The following CDADC1 variants were observed in gnomAD, a reference collection of about 807,000 sequenced individuals.
The protein encoded by CDADC1 is cytidine and dCMP deaminase domain containing 1.
A neutral mutation model predicts 54.9 loss-of-function variants in CDADC1; 39 were observed. The observed-to-expected ratio is 0.71, with a 90% confidence interval of 0.55 to 0.93. CDADC1 has a LOEUF of 0.93. Among genes scored for constraint, CDADC1 ranks in the 40% least tolerant of loss-of-function variants. CDADC1 has a pLI of 0.00. For synonymous variants in CDADC1, 186 were observed against 204.0 expected (o/e 0.91, Z 0.75); for missense variants, 518 against 618.8 (o/e 0.84, Z 1.73).
At chr13:49,271,607 T>C (rs1952966829) in intron 5 of CDADC1, among the ~76,000 whole-genome samples, 1 of 146,066 alleles carries the variant, frequency 6.8e-6, no homozygotes, top group African/African-American at 2.5e-5. Context: ...AGTTGCCTCT[T>C]TTTTTTTTTT....
chr13:49,282,986 C>T (rs1953394750), intron 8 of CDADC1, among the ~76,000 whole-genome samples: 1 of 152,198 alleles, frequency 6.6e-6, no homozygotes, highest in South Asian at 2.1e-4. Context: ...CAGAATCATA[C>T]ATTGTTTCTA....
intron 1 of CDADC1, chr13:49,248,536 G>A (rs1414101227): frequency 6.1e-6 from 2 of 326,252 alleles, no homozygotes; most frequent in Non-Finnish European, 1.1e-5. Context: ...ACAGTCCAAA[G>A]AAAAGCTTGC....
chr13:49,253,978 T>C (rs1271390337), intron 2 of CDADC1, among the ~76,000 whole-genome samples: 2 of 152,208 alleles, frequency 1.3e-5, no homozygotes, highest in Non-Finnish European at 2.9e-5. Flanking sequence ...ATCCACTTAA[T>C]TACCTGTGTG....
chr13:49,256,039 G>A lies in CDADC1; in HGVS notation c.252+126G>A, dbSNP rs111258401. On this transcript the variant is annotated intron_variant, in intron 3 of 9. Transcript: ENST00000251108. ...TTTTTAAAATACTCTTCTAAAAATG[G>A]TCTGTATATTTACAAGACTATATGT... The A allele has an allele frequency of 1.4e-4, 184 of 1,325,428 alleles. 1 individual carries two copies. The African/African-American group carries it at 2.3e-3, about 16-fold the overall frequency. The allele number at this position is 1,325,428 out of a possible 1,614,324, so 82.1% of individuals were successfully genotyped here.
At chr13:49,265,651 ATTG>A (rs894143675) in intron 4 of CDADC1, among the ~76,000 whole-genome samples, 253 of 152,180 alleles carry the variant, frequency 1.7e-3, no homozygotes, top group Admixed American at 4.5e-3. Context: ...ATAACAGATT[ATTG>A]TTATTTTTAA....
rs897594529 is a variant in CDADC1, at chr13:49,265,734, A to G, written c.431-1756A>G. 9 of 435,588 alleles carry G rather than the reference A, an allele frequency of 2.1e-5. No homozygotes were observed. In the South Asian group the frequency reaches 2.6e-4, roughly 13 times the overall value. The allele number at this position is 435,588 out of a possible 1,614,324, so 27.0% of individuals were successfully genotyped here. On this transcript the variant is annotated intron_variant, in intron 4 of 9. Transcript: ENST00000251108. ...GTAAATATCAGTAGATATATTCCAC[A>G]TAAATAAAAGCTTTTTGGAGTCCTC... is the stretch of plus-strand genomic sequence containing the variant.
At chr13:49,275,065 A>G (rs140615835) in intron 6 of CDADC1, among the ~76,000 whole-genome samples, 55 of 151,708 alleles carry the variant, frequency 3.6e-4, no homozygotes, top group African/African-American at 1.3e-3. Context: ...GGAGGATAAC[A>G]TGAATATTCT....
chr13:49,248,175 C>T, intron 1 of CDADC1, 56 bp downstream of exon 1: 1 of 1,417,584 alleles, frequency 7.1e-7, no homozygotes, highest in Admixed American at 2.0e-5. Context: ...CCCTGTGCGT[C>T]TCCCGTCATT....
At chr13:49,273,184 G>T (rs1458139768) in intron 5 of CDADC1, among the ~76,000 whole-genome samples, 1 of 152,116 alleles carries the variant, frequency 6.6e-6, no homozygotes, top group East Asian at 1.9e-4. Context: ...TAATGCAATT[G>T]TGGCACAAAT....
At chr13:49,251,873 C>CT (rs35208522) in intron 2 of CDADC1, among the ~76,000 whole-genome samples, 1 of 151,960 alleles carries the variant, frequency 6.6e-6, no homozygotes, top group South Asian at 2.1e-4. Context: ...GCCAACAACT[C>CT]TTAAGTTTTC....
At chr13:49,275,722 TATATAGAGAGAGAG>T (rs1953104943) in intron 6 of CDADC1, among the ~76,000 whole-genome samples, 11 of 19,248 alleles carry the variant, frequency 5.7e-4, no homozygotes, top group Admixed American at 2.6e-3. Context: ...TATATATATA[TATATAGAGAGAGAG>T]AGAGAGAGAG....
In CDADC1 at chr13:49,280,581, TTTAA is replaced by T; in HGVS notation, c.1298_1301del (p.Ile433LysfsTer5). ...AGTGCCCATGTGATGAGTGTGTACC[TTTAA>T]TTAAAGGTGCAGGCATAAAACAAAT... On this transcript the variant is annotated frameshift_variant, in exon 8 of 10. Transcript: ENST00000251108. LOFTEE classifies it high-confidence loss of function. The T allele has an allele frequency of 6.3e-7, 1 of 1,580,892 alleles. No homozygotes were observed. Among genetic ancestry groups the T allele is most frequent in the Non-Finnish European group, 8.6e-7 (1 of 1,163,084 alleles).
At position 49,291,343 on chromosome 13, in the gene CDADC1, A is replaced by T. The variant is rs563846192; in HGVS notation, c.1472-341A>T. On this transcript the variant is annotated intron_variant, in intron 9 of 9. Transcript: ENST00000251108. ...CCACAACACCTGTTTAAAAAAAAAAAATTTTTTTTGTAGAGATGGGGTCTC... is the reference window on the plus strand; with the variant it reads ...CCACAACACCTGTTTAAAAAAAAAATATTTTTTTTGTAGAGATGGGGTCTC... 5.1e-3 allele frequency among the ~76,000 whole-genome samples: 536 copies of T among 104,092 alleles called. 5 individuals carry two copies. Among genetic ancestry groups the T allele is most frequent in the African/African-American group, 0.015 (494 of 33,944 alleles). The allele number at this position is 104,092 out of a possible 152,430, so 68.3% of individuals were successfully genotyped here. A position where few individuals can be genotyped will look rare whatever the true frequency, so the allele number is the denominator to read the frequency against.
chr13:49,292,856 GT>G lies in CDADC1; in HGVS notation c.*1101del. 8.8e-7 allele frequency: 1 copy of G among 1,139,014 alleles called. No homozygotes were observed. The highest frequency in any genetic ancestry group is 1.1e-6 in the Non-Finnish European group (1 of 870,984). The allele number at this position is 1,139,014 out of a possible 1,614,324, so 70.6% of individuals were successfully genotyped here. Reference sequence around the variant, plus strand: ...GGTGGTCAGGTTTGCCTCTGCTTTTGTTCCCTGCCTTTCCGCCACATCACAC... The same window carrying G: ...GGTGGTCAGGTTTGCCTCTGCTTTTGTCCCTGCCTTTCCGCCACATCACAC... On this transcript the variant is annotated 3_prime_UTR_variant, in exon 10 of 10. Coordinates refer to ENST00000251108, the MANE Select transcript of CDADC1 (RefSeq NM_030911.4).
At chr13:49,289,295 A>C (rs1202051964) in intron 9 of CDADC1, among the ~76,000 whole-genome samples, 1 of 151,544 alleles carries the variant, frequency 6.6e-6, no homozygotes, top group East Asian at 1.9e-4. Flanking sequence ...TGCCCAGCTA[A>C]TTTTGTATTT....
Position 49,280,621 on chromosome 13 carries a change from G to C in CDADC1, c.1333G>C (p.Asp445His). ...AGGCATAAAACAAATCTATGCAGGA[G>C]ATGTAGATGTTGGAAAAAAGAAGGC... ...GAGIKQIYAG[D>H]VDVGKKKADI... The change falls in exon 8 of 10, where the codon GAT becomes CAT. Residue 445 changes from aspartate to histidine, a missense_variant. Physicochemically the swap from Asp to His is moderately conservative, Grantham distance 81 (BLOSUM62 -1). Coordinates refer to ENST00000251108, the MANE Select transcript of CDADC1 (RefSeq NM_030911.4). The C allele has an allele frequency of 6.2e-7, 1 of 1,601,956 alleles. No homozygotes were observed. The highest frequency in any genetic ancestry group is 8.5e-7 in the Non-Finnish European group (1 of 1,174,560).
intron 7 of CDADC1, among the ~76,000 whole-genome samples, chr13:49,279,824 C>T (rs1223772569): frequency 6.6e-6 from 1 of 152,260 alleles, no homozygotes; most frequent in East Asian, 1.9e-4. Flanking sequence ...GTTGTTAGTC[C>T]TAAACTACCC....
chr13:49,248,729 C>T (rs111911104), intron 1 of CDADC1, 142 bp from the exon 2 acceptor site: 9 of 663,646 alleles, frequency 1.4e-5, no homozygotes, highest in Middle Eastern at 2.6e-4. Context: ...TAAGATACCT[C>T]TGACTCTCTT....
chr13:49,277,376 T>TG (rs2138246793), intron 6 of CDADC1, among the ~76,000 whole-genome samples: 1 of 152,074 alleles, frequency 6.6e-6, no homozygotes, highest in Non-Finnish European at 1.5e-5. Flanking sequence ...GAGGCTGAGA[T>TG]GGGAGGATGA....
Sources: gnomAD v4.1 joint callset for allele counts (sites outside exome capture counted in the v4.1 genomes callset) on GRCh38, gnomAD v4.1.1 for gene constraint, MANE v1.5 for transcripts, NCBI Gene and HGNC (gene_info 2026-07-23, HGNC 2026-07-21) for gene names.